OTOF: variants seen among roughly 807,000 people sequenced by gnomAD.
OTOF encodes fer-1-like family member 2.
OTOF carries 218 observed loss-of-function variants against 236.8 expected under a neutral mutation model. The ratio of observed to expected loss-of-function variants is 0.92; its 90% CI spans 0.82 to 1.03. The LOEUF (loss-of-function observed/expected upper bound fraction) is 1.03, where lower values mean the gene tolerates loss of function less well. Ranked by LOEUF, OTOF falls within the 50% of genes least tolerant of loss-of-function variation. The probability of loss-of-function intolerance (pLI) is 0.00; values close to 1 mark genes in which losing one functional copy is unlikely to be tolerated. For synonymous variants in OTOF, 1,041 were observed against 1,072.5 expected (o/e 0.97, Z 0.57); for missense variants, 2,590 against 2,694.4 (o/e 0.96, Z 0.86).
At chr2:26,464,774 C>G (rs1351563698) in intron 39 of OTOF, 95 bp downstream of exon 39, 9 of 1,281,732 alleles carry the variant, frequency 7.0e-6, no homozygotes, top group Non-Finnish European at 8.7e-6. Context: ...ACACCCCAGG[C>G]TAGGCTGTGA....
intron 1 of OTOF, among the ~76,000 whole-genome samples, chr2:26,540,610 C>CTAG (rs1667189711): frequency 6.6e-6 from 1 of 152,142 alleles, no homozygotes; most frequent in East Asian, 1.9e-4. Flanking sequence ...GACCCAGGAG[C>CTAG]TAGTCCTAGT....
chr2:26,489,720 A>T lies in OTOF; in HGVS notation c.918T>A (p.His306Gln). 1 of 1,612,970 alleles carries T rather than the reference A, an allele frequency of 6.2e-7. No individual in the cohort carries two copies. Among genetic ancestry groups the T allele is most frequent in the Non-Finnish European group, 8.5e-7 (1 of 1,179,898 alleles). The change falls in exon 10 of 47, where the codon CAT (histidine) becomes CAA (glutamine). Residue 306 changes from histidine (H) to glutamine (Q), a missense_variant. Transcript: ENST00000272371. ...YYNEYFVFDF[H>Q]VSPDVMFDKI... Reference sequence around the variant, plus strand: ...TGTCAAACATGACATCCGGAGAGACATGGAAGTCGAAGACGAAGTACTGGA... The same window carrying T: ...TGTCAAACATGACATCCGGAGAGACTTGGAAGTCGAAGACGAAGTACTGGA...
rs937149726 is a variant in OTOF, at chr2:26,525,885, G to A, written c.227+1947C>T. Among the ~76,000 whole-genome samples, 6 of 152,018 alleles carry A rather than the reference G, an allele frequency of 3.9e-5. No individual in the cohort carries two copies. The East Asian group carries it at 1.2e-3, about 29-fold the overall frequency. ...GTAGATCACTTGAGGTCAGGAGTTC[G>A]ATACCAACCTGGCCAACATGGTGAA... On this transcript the variant is annotated intron_variant, in intron 3 of 46. Transcript: ENST00000272371.
In OTOF at chr2:26,535,913, G is replaced by A. The variant is rs151155940; in HGVS notation, c.138+1803C>T. ...TGTGGCTCAGGTGTCCAAGGCGCTG[G>A]GCATGGAAAAGGGTGGCAGTGCCCT... On this transcript the variant is annotated intron_variant, in intron 2 of 46. Transcript: ENST00000272371. Among the ~76,000 whole-genome samples the A allele has an allele frequency of 1.2e-4, 19 of 152,322 alleles. 1 individual carries two copies. In the East Asian group the frequency reaches 3.5e-3, roughly 28 times the overall value.
intron 4 of OTOF, among the ~76,000 whole-genome samples, chr2:26,517,882 C>G (rs943022009): frequency 2.0e-5 from 3 of 152,194 alleles, no homozygotes; most frequent in African/African-American, 7.2e-5. Context: ...TGCTCACTCC[C>G]CAATTCTCTT....
At position 26,473,093 on chromosome 2, in the gene OTOF, G is replaced by C; in HGVS notation, c.3733+39C>G. ...GACCTGGAGCCCTTCCCTGGGGGGC[G>C]TGGAGCCAGGCTTGGTGGCAGGGTG... On this transcript the variant is annotated intron_variant, in intron 29 of 46. Transcript: ENST00000272371. This position sits in a 1 kb window ranked among gnomAD's most constrained non-coding sequence, Gnocchi z 7.2. The C allele has an allele frequency of 6.3e-7, 1 of 1,596,564 alleles. No individual in the cohort carries two copies. The highest frequency in any genetic ancestry group is 8.5e-7 in the Non-Finnish European group (1 of 1,169,974).
rs750259905 is a variant in OTOF at position 26,477,874 on chromosome 2, T to C, written c.2215-125A>G. ...GATCTGGGAGCTCTCGCTAGGGCCA[T>C]CCTGAGTATCGGTCATCATGAGGAA... On this transcript the variant is annotated intron_variant, in intron 18 of 46. Transcript: ENST00000272371. This position sits in a 1 kb window ranked among gnomAD's most constrained non-coding sequence, Gnocchi z 4.7. 1.8e-5 allele frequency: 28 copies of C among 1,550,696 alleles called. No individual in the cohort carries two copies. Among genetic ancestry groups the C allele is most frequent in the Middle Eastern group, 3.3e-4 (2 of 6,014 alleles).
At chr2:26,467,779 C>T (rs1006488828) in intron 33 of OTOF, among the ~76,000 whole-genome samples, 4 of 152,144 alleles carry the variant, frequency 2.6e-5, no homozygotes, top group East Asian at 1.9e-4. Context: ...CCTGTTGCTG[C>T]GCAGTTCCTT....
intron 5 of OTOF, among the ~76,000 whole-genome samples, chr2:26,514,353 C>T (rs768129535): frequency 2.0e-4 from 31 of 152,226 alleles, no homozygotes; most frequent in Non-Finnish European, 2.2e-4. Context: ...AGGGGCCACA[C>T]GAAGATGGGG....
In OTOF at chr2:26,461,329, C is replaced by A. The variant is rs969767301; in HGVS notation, c.5534-299G>T. ...TTCTGTCAAAGTCCTGCTAATCCCA[C>A]AAGCTTTTGCAGATGCAGATTAGAG... On this transcript the variant is annotated intron_variant, in intron 43 of 46. Coordinates refer to ENST00000272371, the MANE Select transcript of OTOF (RefSeq NM_194248.3). This position sits in a 1 kb window ranked among gnomAD's most constrained non-coding sequence, Gnocchi z 6.2. Among the ~76,000 whole-genome samples, 1 of 152,212 alleles carries A rather than the reference C, an allele frequency of 6.6e-6. No homozygotes were observed. The highest frequency in any genetic ancestry group is 2.4e-5 in the African/African-American group (1 of 41,452).
At position 26,474,496 on chromosome 2, in the gene OTOF, C is replaced by T. The variant is rs774017754; in HGVS notation, c.3288+17G>A. On this transcript the variant is annotated intron_variant, in intron 26 of 46. Transcript: ENST00000272371. ...CTCCAGTCCCCAGGCCTCAGCCCCTCTTCCCTGCAGTCCCACCTGCAGCAG... is the reference window on the plus strand; with the variant it reads ...CTCCAGTCCCCAGGCCTCAGCCCCTTTTCCCTGCAGTCCCACCTGCAGCAG... 25 of 1,584,070 alleles carry T rather than the reference C, an allele frequency of 1.6e-5. No homozygotes were observed. The highest frequency in any genetic ancestry group is 1.7e-4 in the Middle Eastern group (1 of 5,908).
intron 3 of OTOF, among the ~76,000 whole-genome samples, chr2:26,522,711 G>T (rs1005236748): frequency 5.9e-5 from 9 of 152,210 alleles, no homozygotes; most frequent in African/African-American, 2.2e-4. Flanking sequence ...AGGAGCACTG[G>T]CCCGGGTGTC....
intron 22 of OTOF, 42 bp downstream of exon 22, chr2:26,476,848 CT>C (rs769557779): frequency 1.3e-5 from 20 of 1,588,684 alleles, no homozygotes; most frequent in Non-Finnish European, 1.7e-5. Context: ...TGCTGCTCCC[CT>C]GAAAGGACCC....
At chr2:26,554,004 C>G (rs535867847) in intron 1 of OTOF, among the ~76,000 whole-genome samples, 3 of 152,100 alleles carry the variant, frequency 2.0e-5, no homozygotes, top group African/African-American at 7.2e-5. Flanking sequence ...AACACCGTCT[C>G]TACTAAAAAT....
Position 26,483,488 on chromosome 2 carries a change from C to T in OTOF, c.1366G>A (p.Val456Met), listed in dbSNP as rs753282692. Residue 456 changes from valine to methionine, a missense_variant, in exon 13 of 47, where the codon GTG becomes ATG. This residue lies in a region of OTOF where 1,379 missense variants were observed against 1,341.6 expected (regional missense o/e 1.03). Transcript: ENST00000272371. ...GENKDLVDPY[V>M]QVFFAGQKGK... ...TTCTGGCCAGCAAAGAAGACTTGCA[C>T]GTAGGGGTCCACGAGGTCCTTGTTT... The T allele has an allele frequency of 3.0e-5, 49 of 1,613,810 alleles. No individual in the cohort carries two copies. The highest frequency in any genetic ancestry group is 4.1e-5 in the Non-Finnish European group (48 of 1,180,032).
intron 39 of OTOF, among the ~76,000 whole-genome samples, chr2:26,464,553 A>G (rs1162511522): frequency 2.0e-5 from 3 of 152,150 alleles, no homozygotes; most frequent in African/African-American, 7.2e-5. Context: ...AAAGAGCCAC[A>G]TGACCTTGGG....
Position 26,527,462 on chromosome 2 carries a change from A to T in OTOF, c.227+370T>A, listed in dbSNP as rs528298300. On this transcript the variant is annotated intron_variant, in intron 3 of 46. Transcript: ENST00000272371. ...GGCTACAGAGTGTCTCTTGGAGGAG[A>T]TCATCAGCCCCTCCACCTTTCGCCT... is the stretch of plus-strand genomic sequence containing the variant. Among the ~76,000 whole-genome samples, 4 of 152,220 alleles carry T rather than the reference A, an allele frequency of 2.6e-5. No homozygotes were observed. The East Asian group carries it at 7.7e-4, about 29-fold the overall frequency.
chr2:26,491,352 G>T (rs774603088), intron 9 of OTOF, among the ~76,000 whole-genome samples: 4 of 152,140 alleles, frequency 2.6e-5, no homozygotes, highest in Non-Finnish European at 5.9e-5. Context: ...AACCCAAGTG[G>T]TCTGACTGTG....
At chr2:26,543,281 G>A (rs116991891) in intron 1 of OTOF, among the ~76,000 whole-genome samples, 1 of 152,340 alleles carries the variant, frequency 6.6e-6, no homozygotes, top group East Asian at 1.9e-4. Flanking sequence ...CCACTCAGGT[G>A]TGCGGCCCGG....
Sources: allele counts gnomAD v4.1 joint callset (sites outside exome capture counted in the v4.1 genomes callset), GRCh38; gene constraint gnomAD v4.1.1; regional missense constraint gnomAD v4.1.1; non-coding constraint Gnocchi (gnomAD v3.1); transcripts MANE v1.5; gene names NCBI Gene and HGNC (gene_info 2026-07-23, HGNC 2026-07-21).